Variants in CDC7 observed in about 807,000 individuals in gnomAD.
CDC7 encodes cell division cycle 7.
CDC7 carries 34 observed loss-of-function variants against 53.5 expected under a neutral mutation model. That is an observed-to-expected ratio of 0.64 (90% CI 0.48 to 0.85). CDC7 has a LOEUF of 0.85. Among genes scored for constraint, CDC7 ranks in the 40% least tolerant of loss-of-function variants. CDC7 has a pLI of 0.00. For synonymous variants in CDC7, 211 were observed against 222.8 expected (o/e 0.95, Z 0.47); for missense variants, 594 against 679.7 (o/e 0.87, Z 1.40).
At chr1:91,507,122 C>A (rs1028088574) in intron 2 of CDC7, among the ~76,000 whole-genome samples, 20 of 152,010 alleles carry the variant, frequency 1.3e-4, no homozygotes, top group African/African-American at 4.8e-4. Flanking sequence ...CTGCATGTGC[C>A]GGTGCTTTGA....
At chr1:91,503,154 C>G (rs1254745162) in intron 2 of CDC7, among the ~76,000 whole-genome samples, 1 of 152,048 alleles carries the variant, frequency 6.6e-6, no homozygotes, top group African/African-American at 2.4e-5. Flanking sequence ...AGGAGAATGC[C>G]ACTATTCTAA....
rs1164989055 is a variant in CDC7 at position 91,524,022 on chromosome 1, TTTC to T, written c.1331-13_1331-11del. ...AAAATGTTTTTTTCTGTTTTTGTTT[TTTC>T]TTCTTTTGCTTTTAGGGAAATCAAT... On this transcript the variant is annotated splice_polypyrimidine_tract_variant and intron_variant, in intron 11 of 11. Coordinates refer to ENST00000234626, the MANE Select transcript of CDC7 (RefSeq NM_003503.4). 3 of 1,557,012 alleles carry T rather than the reference TTTC, an allele frequency of 1.9e-6. No homozygotes were observed. The highest frequency in any genetic ancestry group is 2.6e-6 in the Non-Finnish European group (3 of 1,154,284).
At chr1:91,508,534 TTCC>T (rs1433208286) in intron 4 of CDC7, 137 bp downstream of exon 4, 4 of 637,866 alleles carry the variant, frequency 6.3e-6, no homozygotes, top group Non-Finnish European at 1.0e-5. Context: ...TGCTAGCACT[TTCC>T]TTCTAACCTT....
At chr1:91,523,643 A>G (rs570430396) in intron 11 of CDC7, among the ~76,000 whole-genome samples, 4 of 152,260 alleles carry the variant, frequency 2.6e-5, no homozygotes, top group Admixed American at 2.6e-4. Flanking sequence ...GGTGCAGGGC[A>G]TCCTAGGCAA....
At chr1:91,505,866 GT>G (rs1379869879) in intron 2 of CDC7, among the ~76,000 whole-genome samples, 1 of 152,196 alleles carries the variant, frequency 6.6e-6, no homozygotes, top group Non-Finnish European at 1.5e-5. Context: ...TAAGTGAGTA[GT>G]GGTGTGGAAG....
At chr1:91,511,125 T>C (rs72954978) in intron 4 of CDC7, among the ~76,000 whole-genome samples, 28 of 152,262 alleles carry the variant, frequency 1.8e-4, no homozygotes, top group African/African-American at 6.3e-4. Context: ...TCTATTGTTT[T>C]CTTACTCAGG....
At chr1:91,519,438 A>G (rs1438464988) in intron 10 of CDC7, among the ~76,000 whole-genome samples, 1 of 152,060 alleles carries the variant, frequency 6.6e-6, no homozygotes, top group Non-Finnish European at 1.5e-5. Context: ...CAAAAAGAAA[A>G]AAAGAAAAGA....
At chr1:91,505,875 AAGTACC>A (rs1666959134) in intron 2 of CDC7, among the ~76,000 whole-genome samples, 1 of 152,184 alleles carries the variant, frequency 6.6e-6, no homozygotes, top group Non-Finnish European at 1.5e-5. Context: ...AGTGGTGTGG[AAGTACC>A]CTTAATGTTT....
At chr1:91,515,080 T>C (rs1667488133) in intron 9 of CDC7, 83 bp downstream of exon 9, 2 of 1,199,406 alleles carry the variant, frequency 1.7e-6, no homozygotes, top group Non-Finnish European at 1.2e-6. Context: ...ATTTTGTGAG[T>C]GCAAGGGATC....
intron 2 of CDC7, among the ~76,000 whole-genome samples, chr1:91,504,675 GC>G (rs1666889360): frequency 6.6e-6 from 1 of 152,120 alleles, no homozygotes; most frequent in Non-Finnish European, 1.5e-5. Flanking sequence ...TATTATTCCT[GC>G]TGCCTTTTCA....
chr1:91,524,562 G>T lies in CDC7; in HGVS notation c.*127G>T. The T allele has an allele frequency of 1.4e-6, 1 of 713,928 alleles. No homozygotes were observed. The highest frequency in any genetic ancestry group is 2.7e-5 in the East Asian group (1 of 37,406). 44.2% of individuals were successfully genotyped at this position (713,928 alleles called of 1,614,324 possible). ...ATTTATTTTAACATTTTAGTGTTTG[G>T]TGGCACATTCTAAAATATAGATTAA... On this transcript the variant is annotated 3_prime_UTR_variant, in exon 12 of 12. Coordinates refer to ENST00000234626, the MANE Select transcript of CDC7 (RefSeq NM_003503.4).
At chr1:91,516,434 A>G (rs1020866620) in intron 10 of CDC7, among the ~76,000 whole-genome samples, 3 of 152,218 alleles carry the variant, frequency 2.0e-5, no homozygotes, top group Admixed American at 1.3e-4. Flanking sequence ...TCTTGAATGA[A>G]TAGATGAATC....
intron 2 of CDC7, among the ~76,000 whole-genome samples, chr1:91,506,215 G>T (rs1031395159): frequency 5.3e-5 from 8 of 151,964 alleles, no homozygotes; most frequent in African/African-American, 1.9e-4. Flanking sequence ...AAGAGATAGG[G>T]TCTCAAACAC....
chr1:91,507,452 C>G (rs1194414271), intron 2 of CDC7, among the ~76,000 whole-genome samples: 1 of 152,104 alleles, frequency 6.6e-6, no homozygotes. Flanking sequence ...TTTACCAAGC[C>G]TTTAAGATTT....
chr1:91,509,948 C>T (rs1222838305), intron 4 of CDC7, among the ~76,000 whole-genome samples: 1 of 152,182 alleles, frequency 6.6e-6, no homozygotes, highest in East Asian at 1.9e-4. Flanking sequence ...AAGAGTGAAA[C>T]TGGACGCAGT....
intron 10 of CDC7, among the ~76,000 whole-genome samples, chr1:91,519,875 C>T (rs777376782): frequency 3.1e-4 from 47 of 152,134 alleles, no homozygotes; most frequent in Non-Finnish European, 5.6e-4. Context: ...ACACGTTGCT[C>T]AAGAAAGAAA....
intron 9 of CDC7, 73 bp from the exon 10 acceptor site, chr1:91,515,721 T>A (rs2102377685): frequency 6.4e-7 from 1 of 1,574,000 alleles, no homozygotes; most frequent in East Asian, 2.3e-5. Flanking sequence ...GTGAACTAAA[T>A]TGATGAATGT....
At chr1:91,511,339 C>G (rs1290000979) in intron 4 of CDC7, among the ~76,000 whole-genome samples, 5 of 151,948 alleles carry the variant, frequency 3.3e-5, no homozygotes, top group Non-Finnish European at 5.9e-5. Context: ...TTTTCTCATT[C>G]TGCTGCTTCC....
Position 91,500,949 on chromosome 1 carries a change from G to T in CDC7, c.-64+1G>T, listed in dbSNP as rs1666622738. 6.6e-6 allele frequency: 1 copy of T among 152,278 alleles called. No homozygotes were observed. The highest frequency in any genetic ancestry group is 2.4e-5 in the African/African-American group (1 of 41,480). The allele number at this position is 152,278 out of a possible 1,614,324, so 9.4% of individuals were successfully genotyped here. A position where few individuals can be genotyped will look rare whatever the true frequency, so the allele number is the denominator to read the frequency against. ...CACAGAAGTCGTACTCCCTTAAACCGTGAGTTTCCGACGGTTTGTTCCATG... is the reference window on the plus strand; with the variant it reads ...CACAGAAGTCGTACTCCCTTAAACCTTGAGTTTCCGACGGTTTGTTCCATG... On this transcript the variant is annotated splice_donor_variant, in intron 1 of 11. Transcript: ENST00000234626. LOFTEE classifies it low-confidence loss of function (5UTR_SPLICE).
Sources: allele counts gnomAD v4.1 joint callset (sites outside exome capture counted in the v4.1 genomes callset), GRCh38; gene constraint gnomAD v4.1.1; transcripts MANE v1.5; gene names NCBI Gene and HGNC (gene_info 2026-07-23, HGNC 2026-07-21).